The following TUSC3 variants were observed in gnomAD, a reference collection of about 807,000 sequenced individuals.
TUSC3 encodes dolichyl-diphosphooligosaccharide--protein glycosyltransferase subunit TUSC3.
TUSC3 carries 45 observed loss-of-function variants against 44.8 expected under a neutral mutation model. The ratio of observed to expected loss-of-function variants is 1.00; its 90% CI spans 0.79 to 1.29. The LOEUF (loss-of-function observed/expected upper bound fraction) is 1.29. TUSC3 is among the 50% of genes most tolerant of loss of function. The probability of loss-of-function intolerance (pLI) is 0.00; values close to 1 mark genes in which losing one functional copy is unlikely to be tolerated. For missense variants in TUSC3, 519 were observed against 437.9 expected (o/e 1.19, Z -1.65); for synonymous variants, 212 against 152.9 (o/e 1.39, Z -2.85).
intron 2 of TUSC3, among the ~76,000 whole-genome samples, chr8:15,644,460 C>A (rs1023391024): frequency 6.6e-6 from 1 of 152,142 alleles, no homozygotes; most frequent in African/African-American, 2.4e-5. Flanking sequence ...TTTTAACTTG[C>A]CATTTCAGAT....
intron 6 of TUSC3, among the ~76,000 whole-genome samples, chr8:15,689,819 ATG>A (rs1808816010): frequency 8.2e-6 from 1 of 122,360 alleles, no homozygotes. Context: ...TTAATAGTCC[ATG>A]GTGTGTGTGT....
At chr8:15,628,534 T>A (rs528030234) in intron 2 of TUSC3, among the ~76,000 whole-genome samples, 1 of 152,284 alleles carries the variant, frequency 6.6e-6, no homozygotes, top group East Asian at 1.9e-4. Context: ...GAAAATTTAA[T>A]GGGTCAGTGT....
At chr8:15,624,168 T>C (rs1805386629) in intron 2 of TUSC3, among the ~76,000 whole-genome samples, 1 of 152,234 alleles carries the variant, frequency 6.6e-6, no homozygotes, top group South Asian at 2.1e-4. Flanking sequence ...TTTTTTAAAT[T>C]ACTGAATAAT....
chr8:15,697,150 C>G (rs1254011994), intron 6 of TUSC3, among the ~76,000 whole-genome samples: 1 of 152,056 alleles, frequency 6.6e-6, no homozygotes, highest in Non-Finnish European at 1.5e-5. Context: ...TCTTATTGAG[C>G]TTGTTTGGAT....
intron 1 of TUSC3, among the ~76,000 whole-genome samples, chr8:15,595,051 G>A (rs1008419707): frequency 6.6e-6 from 1 of 152,128 alleles, no homozygotes; most frequent in Non-Finnish European, 1.5e-5. Context: ...AGGGGGACTG[G>A]AACAGAACTT....
chr8:15,762,362 C>CT, intron 10 of TUSC3, among the ~76,000 whole-genome samples: 1 of 151,822 alleles, frequency 6.6e-6, no homozygotes, highest in East Asian at 1.9e-4. Context: ...ATATAAACAA[C>CT]TGATTGTTAC....
chr8:15,761,789 A>T (rs1337218351), intron 10 of TUSC3, among the ~76,000 whole-genome samples: 5 of 152,176 alleles, frequency 3.3e-5, no homozygotes, highest in East Asian at 1.9e-4. Context: ...AGTTGTTTTT[A>T]AAAAAGTATG....
At position 15,423,969 on chromosome 8, in the gene TUSC3, G is replaced by GTTTTTGTTTTGTTTTTTT. The variant is rs1563247134; in HGVS notation, n.91+6669_91+6670insGTTTTGTTTTTTTTTTTT. Among the ~76,000 whole-genome samples the GTTTTTGTTTTGTTTTTTT allele has an allele frequency of 4.0e-4, 28 of 70,394 alleles. 5 individuals are homozygous for GTTTTTGTTTTGTTTTTTT. Among genetic ancestry groups the GTTTTTGTTTTGTTTTTTT allele is most frequent in the African/African-American group, 6.9e-4 (17 of 24,496 alleles). 46.2% of individuals were successfully genotyped at this position (70,394 alleles called of 152,430 possible). Reference sequence around the variant, plus strand: ...TACAGCATTCATACTGTTTTGCTTTGTTTTTTTTTTTTTTTTTTTTTTTTT... The same window carrying GTTTTTGTTTTGTTTTTTT: ...TACAGCATTCATACTGTTTTGCTTTGTTTTTGTTTTGTTTTTTTTTTTTTTTTTTTTTTTTTTTTTTTT... On this transcript the variant is annotated intron_variant and non_coding_transcript_variant, in intron 1 of 5. Coordinates refer to the TUSC3 transcript ENST00000503191.
At chr8:15,771,376 C>G (rs1812436780), downstream of TUSC3, among the ~76,000 whole-genome samples, 1 of 151,892 alleles carries the variant, frequency 6.6e-6, no homozygotes, top group African/African-American at 2.4e-5. Context: ...CCTGAATAGC[C>G]AAAGGATTAT....
chr8:15,615,171 G>T (rs945382441), intron 1 of TUSC3, among the ~76,000 whole-genome samples: 6 of 152,144 alleles, frequency 3.9e-5, no homozygotes, highest in Non-Finnish European at 8.8e-5. Context: ...CATGTTTATT[G>T]AAGCATTATT....
rs181644465 is a variant in TUSC3, at chr8:15,730,852, A to G, written c.862+123A>G. 1,057 of 850,564 alleles carry G rather than the reference A, an allele frequency of 1.2e-3. 16 individuals carry two copies. The East Asian group carries it at 0.018, about 14-fold the overall frequency. The allele number at this position is 850,564 out of a possible 1,614,324, so 52.7% of individuals were successfully genotyped here. The stretch of plus-strand genomic sequence containing the variant: ...GAGACATTAAATTTTAGGCTGTACT[A>G]TATGACTAATTTTTATTTTTTATGC... On this transcript the variant is annotated intron_variant, in intron 7 of 10. Coordinates refer to ENST00000503731, the MANE Select transcript of TUSC3 (RefSeq NM_006765.4).
chr8:15,587,166 A>G (rs1445835932), intron 1 of TUSC3, among the ~76,000 whole-genome samples: 1 of 152,136 alleles, frequency 6.6e-6, no homozygotes, highest in African/African-American at 2.4e-5. Context: ...GGATTATACT[A>G]CTTATAACTT....
chr8:15,433,546 C>A (rs1333966003), intron 1 of TUSC3, among the ~76,000 whole-genome samples: 1 of 152,022 alleles, frequency 6.6e-6, no homozygotes, highest in Non-Finnish European at 1.5e-5. Context: ...ACTCCCCCAC[C>A]CATATAACAG....
At chr8:15,680,296 T>G (rs1004291187) in intron 6 of TUSC3, among the ~76,000 whole-genome samples, 1 of 152,070 alleles carries the variant, frequency 6.6e-6, no homozygotes, top group African/African-American at 2.4e-5. Flanking sequence ...TAGAGATCTT[T>G]CACCTCTTTG....
intron 1 of TUSC3, among the ~76,000 whole-genome samples, chr8:15,556,012 T>TTTATTTG (rs1802250712): frequency 6.6e-6 from 1 of 151,342 alleles, no homozygotes; most frequent in South Asian, 2.1e-4. Context: ...TTTTTTATTT[T>TTTATTTG]TTTTTTATTA....
chr8:15,638,269 A>C (rs1169162576), intron 2 of TUSC3, among the ~76,000 whole-genome samples: 7 of 149,986 alleles, frequency 4.7e-5, no homozygotes, highest in Admixed American at 3.3e-4. Context: ...TATAAATGTT[A>C]ATTTCCTCAC....
At chr8:15,629,922 C>G (rs761200389) in intron 2 of TUSC3, among the ~76,000 whole-genome samples, 16 of 152,054 alleles carry the variant, frequency 1.1e-4, no homozygotes, top group Non-Finnish European at 1.5e-4. Flanking sequence ...TCTCACCTCC[C>G]TCAGTGCTAA....
chr8:15,722,001 A>G (rs1810321641), intron 6 of TUSC3, among the ~76,000 whole-genome samples: 1 of 152,002 alleles, frequency 6.6e-6, no homozygotes, highest in South Asian at 2.1e-4. Flanking sequence ...GTAGAATGAG[A>G]AGCTCTCCTT....
At position 15,598,302 on chromosome 8, in the gene TUSC3, AC is replaced by A. The variant is rs200740583; in HGVS notation, c.139-24776del. ...GATACTTTACCATTAAAAATAAAAT[AC>A]CTTTTTGTTTGCAGTAGATTTAGAT... On this transcript the variant is annotated intron_variant, in intron 1 of 10. Transcript: ENST00000503731. Among the ~76,000 whole-genome samples the A allele has an allele frequency of 3.7e-3, 563 of 152,050 alleles. 1 individual carries two copies. The highest frequency in any genetic ancestry group is 6.8e-3 in the Middle Eastern group (2 of 294).
Sources: gnomAD v4.1 joint callset for allele counts (sites outside exome capture counted in the v4.1 genomes callset) on GRCh38, gnomAD v4.1.1 for gene constraint, MANE v1.5 for transcripts, NCBI Gene and HGNC (gene_info 2026-07-23, HGNC 2026-07-21) for gene names.